ST6GALNAC3: variants seen among roughly 807,000 people sequenced by gnomAD.
The protein encoded by ST6GALNAC3 is alpha-N-acetylgalactosaminide alpha-2,6-sialyltransferase 3.
Under a neutral mutation model 32.7 loss-of-function variants are expected in ST6GALNAC3, and 25 were observed. That is an observed-to-expected ratio of 0.76 (90% CI 0.56 to 1.07). The LOEUF (loss-of-function observed/expected upper bound fraction) is 1.07, where lower values mean the gene tolerates loss of function less well. ST6GALNAC3 is among the 50% of genes least tolerant of loss of function. The probability of loss-of-function intolerance (pLI) is 0.00; values close to 1 mark genes in which losing one functional copy is unlikely to be tolerated. For missense variants in ST6GALNAC3, 355 were observed against 382.4 expected (o/e 0.93, Z 0.60); for synonymous variants, 129 against 133.1 (o/e 0.97, Z 0.21).
intron 1 of ST6GALNAC3, among the ~76,000 whole-genome samples, chr1:76,261,894 C>G (rs1400488335): frequency 6.6e-6 from 1 of 152,168 alleles, no homozygotes. Flanking sequence ...TTTATTCTAA[C>G]AGTCACTAAA....
chr1:76,080,632 C>CAA (rs58110770), intron 1 of ST6GALNAC3, among the ~76,000 whole-genome samples: 1,177 of 115,306 alleles, frequency 0.01, 19 homozygotes, highest in African/African-American at 0.033. Context: ...ACAGATAAAC[C>CAA]AAAAAAAAAA....
intron 3 of ST6GALNAC3, among the ~76,000 whole-genome samples, chr1:76,551,065 G>A (rs1664600052): frequency 6.6e-6 from 1 of 152,164 alleles, no homozygotes; most frequent in Admixed American, 6.5e-5. Context: ...GAGCCACTGT[G>A]CCTGGCCTTG....
intron 1 of ST6GALNAC3, among the ~76,000 whole-genome samples, chr1:76,115,093 T>A (rs981438039): frequency 6.6e-6 from 1 of 152,130 alleles, no homozygotes; most frequent in Non-Finnish European, 1.5e-5. Flanking sequence ...TGGCATGGTG[T>A]GTATTTTGTT....
chr1:76,315,593 G>T (rs1215554702), intron 2 of ST6GALNAC3, among the ~76,000 whole-genome samples: 1 of 152,082 alleles, frequency 6.6e-6, no homozygotes, highest in Non-Finnish European at 1.5e-5. Context: ...TTTTGCTCCT[G>T]CAAAGGTTAT....
intron 2 of ST6GALNAC3, among the ~76,000 whole-genome samples, chr1:76,364,544 C>T (rs957236881): frequency 3.9e-5 from 6 of 151,978 alleles, no homozygotes; most frequent in Admixed American, 3.9e-4. Context: ...CAGAGCGAGA[C>T]TCCACCTAAA....
intron 3 of ST6GALNAC3, among the ~76,000 whole-genome samples, chr1:76,433,018 TGTGC>T (rs1356443526): frequency 1.3e-5 from 2 of 152,158 alleles, no homozygotes; most frequent in Non-Finnish European, 2.9e-5. Flanking sequence ...CTTCCCCTCT[TGTGC>T]TCTGTCTTTT....
At chr1:76,495,871 C>A (rs1461040772) in intron 3 of ST6GALNAC3, among the ~76,000 whole-genome samples, 1 of 152,112 alleles carries the variant, frequency 6.6e-6, no homozygotes, top group Non-Finnish European at 1.5e-5. Flanking sequence ...GAGGAATCTT[C>A]TGTTAGGTTG....
chr1:76,090,725 A>C (rs1647033034), intron 1 of ST6GALNAC3, among the ~76,000 whole-genome samples: 1 of 152,194 alleles, frequency 6.6e-6, no homozygotes, highest in Admixed American at 6.5e-5. Flanking sequence ...AATCTGAAAC[A>C]TGACATTTGT....
At chr1:76,102,516 TTTG>T (rs1647269273) in intron 1 of ST6GALNAC3, among the ~76,000 whole-genome samples, 4 of 152,074 alleles carry the variant, frequency 2.6e-5, no homozygotes, top group East Asian at 1.9e-4. Flanking sequence ...GAATTGAGGA[TTTG>T]TTGTTGTTGC....
chr1:76,180,658 T>A (rs1225571679), intron 1 of ST6GALNAC3, among the ~76,000 whole-genome samples: 1 of 152,070 alleles, frequency 6.6e-6, no homozygotes, highest in African/African-American at 2.4e-5. Flanking sequence ...AATGGCAGAA[T>A]GTTGCAGCAG....
intron 1 of ST6GALNAC3, among the ~76,000 whole-genome samples, chr1:76,117,905 G>T (rs1014805353): frequency 2.0e-5 from 3 of 152,126 alleles, no homozygotes; most frequent in Admixed American, 1.3e-4. Context: ...ATAAAATGAG[G>T]TAATAATAGT....
intron 1 of ST6GALNAC3, among the ~76,000 whole-genome samples, chr1:76,150,114 A>T (rs1180887831): frequency 2.0e-5 from 3 of 152,176 alleles, no homozygotes; most frequent in Admixed American, 6.5e-5. Flanking sequence ...ATGAGAAAGC[A>T]AACCTAGACT....
chr1:76,315,225 G>A (rs765614144), intron 2 of ST6GALNAC3, among the ~76,000 whole-genome samples: 1 of 152,062 alleles, frequency 6.6e-6, no homozygotes, highest in Non-Finnish European at 1.5e-5. Context: ...ATATAAAAAT[G>A]TATCTCTTTG....
At chr1:76,081,225 GGAA>G (rs1409512734) in intron 1 of ST6GALNAC3, among the ~76,000 whole-genome samples, 3 of 150,874 alleles carry the variant, frequency 2.0e-5, no homozygotes, top group African/African-American at 7.4e-5. Context: ...GGGCCACATT[GGAA>G]GAAGAATTGT....
At chr1:76,191,145 G>A (rs1653871634) in intron 1 of ST6GALNAC3, among the ~76,000 whole-genome samples, 1 of 152,150 alleles carries the variant, frequency 6.6e-6, no homozygotes, top group African/African-American at 2.4e-5. Flanking sequence ...GAAGGTCCTA[G>A]CTAGAGATGG....
At chr1:76,405,128 T>A (rs1462754767) in intron 2 of ST6GALNAC3, among the ~76,000 whole-genome samples, 1 of 152,116 alleles carries the variant, frequency 6.6e-6, no homozygotes, top group Non-Finnish European at 1.5e-5. Flanking sequence ...TTAGCAGGTT[T>A]GGTTAAATTT....
At chr1:76,121,012 C>T (rs1341653528) in intron 1 of ST6GALNAC3, among the ~76,000 whole-genome samples, 3 of 152,186 alleles carry the variant, frequency 2.0e-5, no homozygotes, top group Non-Finnish European at 4.4e-5. Context: ...TTCATCATCA[C>T]ATCTCCTTCT....
intron 1 of ST6GALNAC3, among the ~76,000 whole-genome samples, chr1:76,256,015 A>AACACACACACACACACACACACACAC (rs10635688): frequency 6.7e-6 from 1 of 148,454 alleles, no homozygotes; most frequent in Admixed American, 6.7e-5. Flanking sequence ...TGTCAGTGGT[A>AACACACACACACACACACACACACAC]ACACACACAC....
intron 2 of ST6GALNAC3, among the ~76,000 whole-genome samples, chr1:76,364,332 T>A (rs1206149834): frequency 2.0e-5 from 3 of 152,150 alleles, no homozygotes; most frequent in African/African-American, 7.2e-5. Context: ...GTGGATCACC[T>A]GAAGTCAGGA....
Sources: gnomAD v4.1 joint callset for allele counts (sites outside exome capture counted in the v4.1 genomes callset) on GRCh38, gnomAD v4.1.1 for gene constraint, MANE v1.5 for transcripts, NCBI Gene and HGNC (gene_info 2026-07-23, HGNC 2026-07-21) for gene names.